Variants in ROBO2 observed in about 807,000 individuals in gnomAD.
ROBO2 encodes the protein roundabout homolog 2.
In ROBO2, 53 loss-of-function variants were observed where a neutral mutation model predicts 160.8. That is an observed-to-expected ratio of 0.33 (90% CI 0.26 to 0.41). The LOEUF (loss-of-function observed/expected upper bound fraction) is 0.41, where lower values mean the gene tolerates loss of function less well. Among genes scored for constraint, ROBO2 ranks in the 10% least tolerant of loss-of-function variants. ROBO2 has a pLI of 1.00. For synonymous variants in ROBO2, 664 were observed against 611.7 expected (o/e 1.09, Z -1.26); for missense variants, 1,577 against 1,722.4 (o/e 0.92, Z 1.49).
chr3:76,952,674 T>A (rs977030195), intron 2 of ROBO2, among the ~76,000 whole-genome samples: 1 of 152,030 alleles, frequency 6.6e-6, no homozygotes, highest in Non-Finnish European at 1.5e-5. Context: ...ATATAGTTAG[T>A]ATATCTGTGT....
chr3:77,440,270 A>G (rs112199695), intron 2 of ROBO2, among the ~76,000 whole-genome samples: 4 of 152,164 alleles, frequency 2.6e-5, no homozygotes, highest in African/African-American at 9.6e-5. Flanking sequence ...TCACGTACTT[A>G]TTGAATCCAG....
chr3:76,131,567 G>A lies in ROBO2; in HGVS notation c.109+193965G>A, dbSNP rs138963988. ...GTGAGGGAGTAGTTCCCTTTGGTAA[G>A]GTTTTTTCCTTGGGCAGGAATCAAC... is the stretch of plus-strand genomic sequence containing the variant. On this transcript the variant is annotated intron_variant, in intron 2 of 26. Coordinates refer to the ROBO2 transcript ENST00000487694. 4.5e-3 allele frequency among the ~76,000 whole-genome samples: 692 copies of A among 152,180 alleles called. 23 individuals carry two copies. The highest frequency in any genetic ancestry group is 0.038 in the Admixed American group (578 of 15,276).
intron 2 of ROBO2, among the ~76,000 whole-genome samples, chr3:76,576,590 C>A (rs1391142456): frequency 1.3e-5 from 2 of 151,586 alleles, no homozygotes; most frequent in East Asian, 3.9e-4. Context: ...CTTCCAAAAG[C>A]AGATTGAGAA....
At chr3:76,044,249 G>T (rs943642497) in intron 2 of ROBO2, among the ~76,000 whole-genome samples, 2 of 152,056 alleles carry the variant, frequency 1.3e-5, no homozygotes, top group Non-Finnish European at 2.9e-5. Context: ...AAGTTATCAC[G>T]AAGTGGGTGA....
At chr3:77,022,696 G>A (rs938571688) in intron 2 of ROBO2, among the ~76,000 whole-genome samples, 7 of 152,096 alleles carry the variant, frequency 4.6e-5, no homozygotes, top group African/African-American at 1.7e-4. Context: ...AGGAGTGTTA[G>A]CGTTGACACT....
intron 2 of ROBO2, among the ~76,000 whole-genome samples, chr3:77,365,015 C>T (rs1051187015): frequency 2.0e-5 from 3 of 151,886 alleles, no homozygotes; most frequent in African/African-American, 7.3e-5. Context: ...CATGGTGGTG[C>T]ATGCCTGTAA....
intron 3 of ROBO2, among the ~76,000 whole-genome samples, chr3:77,479,740 C>T (rs892330398): frequency 4.6e-5 from 7 of 152,038 alleles, no homozygotes; most frequent in African/African-American, 1.7e-4. Flanking sequence ...TTAGCTCTTG[C>T]CTATTTAAAG....
At chr3:76,921,351 C>T (rs2076648721) in intron 2 of ROBO2, among the ~76,000 whole-genome samples, 1 of 152,126 alleles carries the variant, frequency 6.6e-6, no homozygotes, top group African/African-American at 2.4e-5. Context: ...ATGGTTCACA[C>T]CTGTAATCCC....
chr3:77,132,976 T>C (rs563203125), intron 2 of ROBO2, among the ~76,000 whole-genome samples: 11 of 152,208 alleles, frequency 7.2e-5, no homozygotes, highest in African/African-American at 2.6e-4. Flanking sequence ...CCATATGAAA[T>C]AGCCAAGCAT....
At chr3:76,097,243 T>C (rs754860862) in intron 2 of ROBO2, among the ~76,000 whole-genome samples, 24 of 152,300 alleles carry the variant, frequency 1.6e-4, no homozygotes, top group Non-Finnish European at 2.6e-4. Context: ...AAAGAAATCC[T>C]AGCTTCTCTG....
chr3:77,385,948 C>T (rs2074054972), intron 2 of ROBO2, among the ~76,000 whole-genome samples: 1 of 152,020 alleles, frequency 6.6e-6, no homozygotes, highest in African/African-American at 2.4e-5. Context: ...CAATAGCAAC[C>T]ACCACAAGAA....
At chr3:76,325,059 C>G (rs1256308914) in intron 2 of ROBO2, among the ~76,000 whole-genome samples, 1 of 152,212 alleles carries the variant, frequency 6.6e-6, no homozygotes, top group African/African-American at 2.4e-5. Context: ...GAGCAGAGAT[C>G]GCACCACTGC....
At chr3:76,770,288 A>G (rs922264780) in intron 2 of ROBO2, among the ~76,000 whole-genome samples, 6 of 151,336 alleles carry the variant, frequency 4.0e-5, no homozygotes, top group African/African-American at 1.5e-4. Flanking sequence ...CTGTGCTCAT[A>G]GTCTCTCCTC....
chr3:76,311,056 A>G (rs992059674), intron 2 of ROBO2: 1 of 152,230 alleles, frequency 6.6e-6, no homozygotes, highest in South Asian at 2.1e-4. Context: ...AAAGTGGAGA[A>G]CAGAAATTAT....
At chr3:76,875,766 G>T (rs777518997) in intron 2 of ROBO2, among the ~76,000 whole-genome samples, 1 of 151,842 alleles carries the variant, frequency 6.6e-6, no homozygotes, top group Non-Finnish European at 1.5e-5. Context: ...GCAATTCTCC[G>T]CCTCCACCTC....
intron 2 of ROBO2, among the ~76,000 whole-genome samples, chr3:76,168,881 G>C (rs924759440): frequency 6.6e-6 from 1 of 151,338 alleles, no homozygotes; most frequent in Non-Finnish European, 1.5e-5. Context: ...ATCTAGTATT[G>C]CTAAGCACTG....
intron 2 of ROBO2, among the ~76,000 whole-genome samples, chr3:76,052,823 G>A (rs1463841353): frequency 6.6e-6 from 1 of 151,916 alleles, no homozygotes; most frequent in Non-Finnish European, 1.5e-5. Flanking sequence ...AGCTCATTCT[G>A]TATTTAGGAC....
chr3:76,343,001 T>G (rs2074321316), intron 2 of ROBO2, among the ~76,000 whole-genome samples: 1 of 152,074 alleles, frequency 6.6e-6, no homozygotes, highest in South Asian at 2.1e-4. Flanking sequence ...TGTTGATAGT[T>G]GTGATTCAAA....
intron 2 of ROBO2, among the ~76,000 whole-genome samples, chr3:76,705,853 G>A (rs1433689539): frequency 1.3e-5 from 2 of 152,088 alleles, no homozygotes; most frequent in Non-Finnish European, 2.9e-5. Context: ...TGTGACCTGT[G>A]ATCTCAAAAT....
Sources: gnomAD v4.1 joint callset for allele counts (sites outside exome capture counted in the v4.1 genomes callset) on GRCh38, gnomAD v4.1.1 for gene constraint, MANE v1.5 for transcripts, NCBI Gene and HGNC (gene_info 2026-07-23, HGNC 2026-07-21) for gene names.